Variants in MYO3B observed in about 807,000 individuals in gnomAD.
MYO3B encodes the protein myosin IIIB, also known as myosin-IIIb.
A neutral mutation model predicts 174.6 loss-of-function variants in MYO3B; 156 were observed. That is an observed-to-expected ratio of 0.89 (90% confidence interval 0.78 to 1.02). The LOEUF is 1.02. Among genes scored for constraint, MYO3B ranks in the 50% least tolerant of loss-of-function variants. MYO3B has a pLI of 0.00. For synonymous variants in MYO3B, 563 were observed against 569.1 expected, an observed-to-expected ratio of 0.99 and a Z score of 0.15; for missense variants, 1,632 against 1,639.4, an observed-to-expected ratio of 1.00 and a Z score of 0.08.
At chr2:170,367,610 C>T (rs1484630677) in intron 8 of MYO3B, among the ~76,000 whole-genome samples, 1 of 152,160 alleles carries the variant, frequency 6.6e-6, no homozygotes, top group Admixed American at 6.5e-5. Flanking sequence ...GACAGTATAA[C>T]TACCTCTTGG....
At chr2:170,300,855 T>A (rs1487412680) in intron 7 of MYO3B, among the ~76,000 whole-genome samples, 1 of 152,330 alleles carries the variant, frequency 6.6e-6, no homozygotes, top group South Asian at 2.1e-4. Context: ...TCTGTTTGTT[T>A]TTATTTTCCC....
intron 32 of MYO3B, among the ~76,000 whole-genome samples, chr2:170,627,056 C>T (rs997216002): frequency 6.6e-6 from 1 of 151,898 alleles, no homozygotes; most frequent in Non-Finnish European, 1.5e-5. Flanking sequence ...GAGTATCTAT[C>T]TTTGTGGTGT....
intron 25 of MYO3B, among the ~76,000 whole-genome samples, chr2:170,497,994 GTTC>G: frequency 6.7e-6 from 1 of 148,602 alleles, no homozygotes. Flanking sequence ...TCACTACAGT[GTTC>G]TTCTCTGAAA....
intron 7 of MYO3B, among the ~76,000 whole-genome samples, chr2:170,326,367 A>G (rs886659641): frequency 6.6e-6 from 1 of 152,244 alleles, no homozygotes; most frequent in African/African-American, 2.4e-5. Context: ...TGTGAAAAAG[A>G]ACAGGGTTGT....
chr2:170,391,415 A>C, intron 14 of MYO3B, 105 bp from the exon 15 acceptor site: 2 of 558,422 alleles, frequency 3.6e-6, no homozygotes, highest in Non-Finnish European at 6.2e-6. Context: ...GCCTGAAAAT[A>C]CAAATTTGCC....
chr2:170,292,745 A>C (rs953897020), intron 7 of MYO3B, among the ~76,000 whole-genome samples: 1 of 151,734 alleles, frequency 6.6e-6, no homozygotes, highest in East Asian at 1.9e-4. Context: ...TGTTCAAAAG[A>C]CCTCTGAATT....
chr2:170,334,598 G>C (rs1484364895), intron 7 of MYO3B: 4 of 151,960 alleles, frequency 2.6e-5, no homozygotes, highest in Non-Finnish European at 5.9e-5. Context: ...TCCATGTATT[G>C]CTAGAAAAAA....
At chr2:170,209,037 C>G (rs1018467227) in intron 3 of MYO3B, among the ~76,000 whole-genome samples, 3 of 152,126 alleles carry the variant, frequency 2.0e-5, no homozygotes, top group Non-Finnish European at 2.9e-5. Context: ...GTCAGGAACC[C>G]TATACAGGTA....
intron 13 of MYO3B, among the ~76,000 whole-genome samples, chr2:170,386,558 G>A (rs972391998): frequency 1.2e-4 from 19 of 152,140 alleles, no homozygotes; most frequent in African/African-American, 4.6e-4. Flanking sequence ...TAGTAAAAAT[G>A]GTTAAGCACT....
chr2:170,189,823 T>C (rs1037890730), intron 1 of MYO3B, among the ~76,000 whole-genome samples: 2 of 152,194 alleles, frequency 1.3e-5, no homozygotes, highest in African/African-American at 2.4e-5. Flanking sequence ...CTCCCCAGGA[T>C]TGGTCCCTGG....
intron 20 of MYO3B, among the ~76,000 whole-genome samples, chr2:170,404,818 A>G (rs1409339726): frequency 6.6e-6 from 1 of 152,070 alleles, no homozygotes; most frequent in Non-Finnish European, 1.5e-5. Flanking sequence ...TACCTGCCCC[A>G]TCTACCCTGG....
intron 16 of MYO3B, among the ~76,000 whole-genome samples, chr2:170,393,369 C>T (rs1372842687): frequency 6.6e-6 from 1 of 151,982 alleles, no homozygotes; most frequent in East Asian, 1.9e-4. Context: ...CAGGCATAAG[C>T]CACCATGCCT....
chr2:170,379,268 C>T (rs1415515410), intron 9 of MYO3B, among the ~76,000 whole-genome samples: 1 of 148,970 alleles, frequency 6.7e-6, no homozygotes, highest in African/African-American at 2.5e-5. Flanking sequence ...GATCTCGGCT[C>T]ACTGCAACCT....
chr2:170,599,710 TGCACTCTA>T (rs984203670), intron 32 of MYO3B, among the ~76,000 whole-genome samples: 3 of 152,148 alleles, frequency 2.0e-5, no homozygotes, highest in Admixed American at 6.5e-5. Context: ...ATTGTGCCAC[TGCACTCTA>T]GCCTGGGTGA....
chr2:170,330,858 CCGAAAGAGCT>C (rs2093906797), intron 7 of MYO3B, among the ~76,000 whole-genome samples: 1 of 115,002 alleles, frequency 8.7e-6, no homozygotes, highest in African/African-American at 5.9e-5. Flanking sequence ...TTGCTGATTT[CCGAAAGAGCT>C]GTTCCATATT....
At chr2:170,249,888 C>T (rs768163214) in intron 7 of MYO3B, among the ~76,000 whole-genome samples, 9 of 152,126 alleles carry the variant, frequency 5.9e-5, no homozygotes, top group Non-Finnish European at 1.0e-4. Flanking sequence ...GTAAAGAAAC[C>T]TCAGACTGAA....
At chr2:170,612,365 A>G (rs1412507056) in intron 32 of MYO3B, among the ~76,000 whole-genome samples, 1 of 152,252 alleles carries the variant, frequency 6.6e-6, no homozygotes, top group Non-Finnish European at 1.5e-5. Context: ...CAGCAGGGCT[A>G]GTCATTGTGC....
intron 1 of MYO3B, among the ~76,000 whole-genome samples, chr2:170,189,873 G>C (rs1447130236): frequency 1.3e-5 from 2 of 152,206 alleles, no homozygotes; most frequent in East Asian, 3.9e-4. Context: ...TGTTTTCCTG[G>C]ATGGTCTTGA....
chr2:170,496,809 G>T (rs1319309987), intron 25 of MYO3B, among the ~76,000 whole-genome samples: 1 of 151,692 alleles, frequency 6.6e-6, no homozygotes, highest in Non-Finnish European at 1.5e-5. Context: ...TAAATTTTTT[G>T]CAGCGACTGG....
Sources: allele counts gnomAD v4.1 joint callset (sites outside exome capture counted in the v4.1 genomes callset), GRCh38; gene constraint gnomAD v4.1.1; transcripts MANE v1.5; gene names NCBI Gene and HGNC (gene_info 2026-07-23, HGNC 2026-07-21).